SDC2: variants seen among roughly 807,000 people sequenced by gnomAD.
The protein encoded by SDC2 is syndecan-2.
Under a neutral mutation model 22.2 loss-of-function variants are expected in SDC2, and 13 were observed. That is an observed-to-expected ratio of 0.59 (90% CI 0.38 to 0.93). The LOEUF is 0.93. Among genes scored for constraint, SDC2 ranks in the 40% least tolerant of loss-of-function variants. The probability of loss-of-function intolerance (pLI) is 0.00; values close to 1 mark genes in which losing one functional copy is unlikely to be tolerated. For synonymous variants in SDC2, 94 were observed against 92.8 expected, an observed-to-expected ratio of 1.01 and a Z score of -0.07; for missense variants, 235 against 246.8, an observed-to-expected ratio of 0.95 and a Z score of 0.32.
chr8:96,591,839 C>G (rs1814786785), intron 1 of SDC2, among the ~76,000 whole-genome samples: 1 of 152,012 alleles, frequency 6.6e-6, no homozygotes. Context: ...TGAGCATCTA[C>G]TATATGCCAG....
intron 1 of SDC2, among the ~76,000 whole-genome samples, chr8:96,551,405 A>G (rs1814024858): frequency 6.6e-6 from 1 of 152,220 alleles, no homozygotes; most frequent in African/African-American, 2.4e-5. Flanking sequence ...CCTGTTTACT[A>G]TGTGCCAAGT....
At chr8:96,507,561 T>C (rs1210298034) in intron 1 of SDC2, among the ~76,000 whole-genome samples, 1 of 152,224 alleles carries the variant, frequency 6.6e-6, no homozygotes, top group Admixed American at 6.5e-5. Context: ...GAGACTGAAA[T>C]AGAGTTGATT....
chr8:96,538,518 T>C (rs1586287869), intron 1 of SDC2, among the ~76,000 whole-genome samples: 1 of 30,198 alleles, frequency 3.3e-5, no homozygotes, highest in South Asian at 6.6e-4. Context: ...TATAGAGGTA[T>C]TTTTTTTTCC....
At chr8:96,561,052 C>T (rs1195035130) in intron 1 of SDC2, among the ~76,000 whole-genome samples, 1 of 152,052 alleles carries the variant, frequency 6.6e-6, no homozygotes, top group Non-Finnish European at 1.5e-5. Context: ...TGCAATGAGC[C>T]GAGATGGCAC....
intron 1 of SDC2, among the ~76,000 whole-genome samples, chr8:96,548,137 A>T: frequency 6.6e-6 from 1 of 152,332 alleles, no homozygotes; most frequent in East Asian, 1.9e-4. Context: ...TAATAATGAT[A>T]AATAATAAAC....
intron 1 of SDC2, chr8:96,580,351 C>T: frequency 4.1e-6 from 4 of 984,056 alleles, no homozygotes; most frequent in Non-Finnish European, 4.8e-6. Flanking sequence ...CAGAGGATGT[C>T]TTTGTTCCAG....
intron 1 of SDC2, among the ~76,000 whole-genome samples, chr8:96,550,998 T>G (rs1814016644): frequency 6.6e-6 from 1 of 152,158 alleles, no homozygotes; most frequent in Admixed American, 6.5e-5. Context: ...CAAGTTACTA[T>G]TGGCGAGGGC....
intron 1 of SDC2, among the ~76,000 whole-genome samples, chr8:96,549,494 A>T (rs1040933302): frequency 3.3e-5 from 5 of 152,154 alleles, no homozygotes; most frequent in Non-Finnish European, 7.4e-5. Context: ...CTCTTTTGGA[A>T]ATGAGCAGTC....
intron 1 of SDC2, among the ~76,000 whole-genome samples, chr8:96,560,951 C>T (rs1391181538): frequency 1.3e-5 from 2 of 151,982 alleles, no homozygotes; most frequent in Admixed American, 1.3e-4. Context: ...ACTAAAAATA[C>T]AAAAATTAGC....
intron 1 of SDC2, among the ~76,000 whole-genome samples, chr8:96,523,742 CT>C (rs961839930): frequency 6.6e-6 from 1 of 152,036 alleles, no homozygotes; most frequent in African/African-American, 2.4e-5. Context: ...CAGAGGAATG[CT>C]TAAGTATTTG....
chr8:96,585,904 A>C (rs544771532), intron 1 of SDC2, among the ~76,000 whole-genome samples: 15 of 145,308 alleles, frequency 1.0e-4, no homozygotes, highest in African/African-American at 3.6e-4. Flanking sequence ...CAGTTAATGT[A>C]CTGATTATTG....
At chr8:96,522,417 G>A (rs1813511002) in intron 1 of SDC2, among the ~76,000 whole-genome samples, 1 of 151,998 alleles carries the variant, frequency 6.6e-6, no homozygotes, top group African/African-American at 2.4e-5. Context: ...GAACAGAAGG[G>A]AACGCCGTGT....
chr8:96,501,060 T>C (rs538524949), intron 1 of SDC2, among the ~76,000 whole-genome samples: 2 of 152,272 alleles, frequency 1.3e-5, no homozygotes, highest in East Asian at 1.9e-4. Flanking sequence ...TTTTCTCTAC[T>C]ATTCAGTCTA....
At chr8:96,520,196 A>G (rs138461302) in intron 1 of SDC2, among the ~76,000 whole-genome samples, 2 of 152,336 alleles carry the variant, frequency 1.3e-5, no homozygotes, top group East Asian at 3.9e-4. Context: ...TCTTGAATCT[A>G]CAAATAGAAT....
Position 96,571,338 on chromosome 8 carries a change from A to T in SDC2, c.61-22142A>T, listed in dbSNP as rs78424034. Among the ~76,000 whole-genome samples, 10 of 152,312 alleles carry T rather than the reference A, an allele frequency of 6.6e-5. No homozygotes were observed. In the East Asian group the frequency reaches 1.5e-3, roughly 24 times the overall value. ...CGGCTGCAAAGGCCCTGGAGTGGGGAAAGTGTGTATGCTTAGGGAGGTGGG... is the reference window on the plus strand; with the variant it reads ...CGGCTGCAAAGGCCCTGGAGTGGGGTAAGTGTGTATGCTTAGGGAGGTGGG... On this transcript the variant is annotated intron_variant, in intron 1 of 4. Transcript: ENST00000302190.
intron 1 of SDC2, among the ~76,000 whole-genome samples, chr8:96,515,729 T>C (rs987415579): frequency 2.6e-5 from 4 of 152,196 alleles, no homozygotes; most frequent in African/African-American, 9.7e-5. Flanking sequence ...AAAAAGATCA[T>C]GAGGCCACGG....
Position 96,595,984 on chromosome 8 carries a change from G to A in SDC2, c.172+2393G>A, listed in dbSNP as rs181888525. Among the ~76,000 whole-genome samples the A allele has an allele frequency of 3.7e-3, 561 of 152,280 alleles. 1 individual carries two copies. The highest frequency in any genetic ancestry group is 6.4e-3 in the Non-Finnish European group (438 of 68,030). ...TTGGAAACCACCTTACACTGAGCTG[G>A]GAGTGTTGTTTTTCAGCATGAAGCA... On this transcript the variant is annotated intron_variant, in intron 2 of 4. Transcript: ENST00000302190.
intron 1 of SDC2, among the ~76,000 whole-genome samples, chr8:96,576,245 G>T (rs1814488783): frequency 1.3e-5 from 2 of 151,876 alleles, no homozygotes; most frequent in South Asian, 4.2e-4. Context: ...GGTGTCACCT[G>T]AAGTTTTTTC....
intron 1 of SDC2, among the ~76,000 whole-genome samples, chr8:96,565,100 G>C: frequency 2.2e-5 from 1 of 44,502 alleles, no homozygotes; most frequent in African/African-American, 9.3e-5. Context: ...TTTTTTTTTT[G>C]TTGAGATGGG....
Sources: gnomAD v4.1 joint callset for allele counts (sites outside exome capture counted in the v4.1 genomes callset) on GRCh38, gnomAD v4.1.1 for gene constraint, MANE v1.5 for transcripts, NCBI Gene and HGNC (gene_info 2026-07-23, HGNC 2026-07-21) for gene names.